DAPK1: variants seen among roughly 807,000 people sequenced by gnomAD.
DAPK1 encodes the protein death associated protein kinase 1.
DAPK1 carries 56 observed loss-of-function variants against 144.9 expected under a neutral mutation model. The ratio of observed to expected loss-of-function variants is 0.39; its 90% CI spans 0.31 to 0.48. DAPK1 has a LOEUF of 0.48. Ranked by LOEUF, DAPK1 falls within the 20% of genes least tolerant of loss-of-function variation. DAPK1 has a pLI of 0.95. For synonymous variants in DAPK1, 690 were observed against 749.0 expected (o/e 0.92, Z 1.29); for missense variants, 1,454 against 1,875.4 (o/e 0.78, Z 4.15).
intron 2 of DAPK1, chr9:87,525,348 A>G: frequency 3.7e-6 from 6 of 1,611,266 alleles, no homozygotes; most frequent in Admixed American, 1.7e-5. Flanking sequence ...AAATTCGGCC[A>G]GGGTTCTCGC....
At chr9:87,665,080 C>T (rs36216037) in intron 18 of DAPK1, among the ~76,000 whole-genome samples, 1 of 151,942 alleles carries the variant, frequency 6.6e-6, no homozygotes, top group African/African-American at 2.4e-5. Flanking sequence ...TTCTGGACCA[C>T]CCTATTTTAA....
chr9:87,532,236 A>G (rs748370750), intron 2 of DAPK1, among the ~76,000 whole-genome samples: 1 of 152,228 alleles, frequency 6.6e-6, no homozygotes, highest in Non-Finnish European at 1.5e-5. Context: ...TTGTTTTTAC[A>G]TTTTTAAATG....
chr9:87,562,899 C>T (rs1175229650), intron 2 of DAPK1, among the ~76,000 whole-genome samples: 11 of 152,200 alleles, frequency 7.2e-5, no homozygotes, highest in African/African-American at 2.7e-4. Flanking sequence ...GGATTCTTCC[C>T]AGGCATGATG....
At chr9:87,670,383 A>AGTCT (rs1340819672) in intron 19 of DAPK1, among the ~76,000 whole-genome samples, 7 of 152,154 alleles carry the variant, frequency 4.6e-5, no homozygotes, top group African/African-American at 1.4e-4. Flanking sequence ...GGAGAAGAGA[A>AGTCT]GTCTGGTTTT....
intron 2 of DAPK1, among the ~76,000 whole-genome samples, chr9:87,562,559 G>T (rs1255980874): frequency 6.6e-6 from 1 of 152,172 alleles, no homozygotes; most frequent in African/African-American, 2.4e-5. Context: ...TTTGATGACT[G>T]TCACTGCCAC....
At chr9:87,646,375 A>C in intron 12 of DAPK1, 86 bp from the exon 13 acceptor site, 1 of 942,896 alleles carries the variant, frequency 1.1e-6, no homozygotes, top group Non-Finnish European at 1.7e-6. Context: ...AGACAGGGGA[A>C]GGTGTGTGGT....
chr9:87,617,755 C>T (rs540045170), intron 3 of DAPK1, among the ~76,000 whole-genome samples: 2 of 152,188 alleles, frequency 1.3e-5, no homozygotes, highest in East Asian at 1.9e-4. Flanking sequence ...GTGGCCTACT[C>T]GACATTTCCT....
intron 21 of DAPK1, among the ~76,000 whole-genome samples, chr9:87,689,010 A>G (rs1824962380): frequency 6.6e-6 from 1 of 152,096 alleles, no homozygotes; most frequent in South Asian, 2.1e-4. Context: ...TTCTTCCCCA[A>G]GGTCAGTATC....
intron 25 of DAPK1, 143 bp downstream of exon 25, chr9:87,703,360 T>A: frequency 1.7e-6 from 1 of 602,372 alleles, no homozygotes; most frequent in Admixed American, 2.8e-5. Context: ...TCCACACGTG[T>A]GACAAACACA....
chr9:87,511,324 A>C (rs1387423918), intron 2 of DAPK1, among the ~76,000 whole-genome samples: 1 of 152,204 alleles, frequency 6.6e-6, no homozygotes, highest in African/African-American at 2.4e-5. Flanking sequence ...CCTAAGAAAC[A>C]TATTGACTAG....
Position 87,706,561 on chromosome 9 carries a change from G to A in DAPK1, c.3490G>A (p.Asp1164Asn), listed in dbSNP as rs937952689. The part of the protein sequence containing the change: ...RWIHQQSTEG[D>N]ADIRLWVNGC... ...GATCCACCAGCAAAGCACAGAGGGC[G>A]ACGCGGACATCCGCCTGTGGGTGAA... Residue 1164 changes from aspartate to asparagine, a missense_variant, in exon 26 of 26, where the codon GAC becomes AAC. By Grantham distance (23) the Asp-to-Asn change is conservative (BLOSUM62 1). This residue lies in a region of DAPK1 where 1,025 missense variants were observed against 1,237.9 expected (regional missense o/e 0.83). Coordinates refer to ENST00000408954, the MANE Select transcript of DAPK1 (RefSeq NM_004938.4). This position sits in a 1 kb window ranked among gnomAD's most constrained non-coding sequence, Gnocchi z 9.0. 22 of 1,613,694 alleles carry A rather than the reference G, an allele frequency of 1.4e-5. No homozygotes were observed. Among genetic ancestry groups the A allele is most frequent in the East Asian group, 2.2e-5 (1 of 44,876 alleles).
intron 11 of DAPK1, 102 bp from the exon 12 acceptor site, chr9:87,645,793 T>C (rs1433762286): frequency 6.9e-7 from 1 of 1,451,764 alleles, no homozygotes; most frequent in East Asian, 2.3e-5. Flanking sequence ...TACTTTCCTC[T>C]GAATGCCCCT....
Position 87,700,327 on chromosome 9 carries a change from A to T in DAPK1, c.2871+90A>T. Reference sequence around the variant, plus strand: ...AGGGAACTGCTTCATAGTAGGACCCAGTAAGAGGTGTCTGCCTGGACATGT... The same window carrying T: ...AGGGAACTGCTTCATAGTAGGACCCTGTAAGAGGTGTCTGCCTGGACATGT... On this transcript the variant is annotated intron_variant, in intron 24 of 25. Coordinates refer to ENST00000408954, the MANE Select transcript of DAPK1 (RefSeq NM_004938.4). 5 of 949,870 alleles carry T rather than the reference A, an allele frequency of 5.3e-6. No individual in the cohort carries two copies. The South Asian group carries it at 6.9e-5, about 13-fold the overall frequency. The allele number at this position is 949,870 out of a possible 1,614,324, so 58.8% of individuals were successfully genotyped here.
rs376368602 is a variant in DAPK1 at position 87,706,758 on chromosome 9, G to T, written c.3687G>T (p.Gly1229=). ...IENVMATTLP[G]LLTVKHYLSP... The stretch of plus-strand genomic sequence containing the variant: ...ACGTCATGGCCACCACGCTGCCAGG[G>T]CTCCTGACCGTGAAGCATTACCTGA... The change falls in exon 26 of 26, where the codon GGG becomes GGT. Residue 1229 remains glycine, a synonymous_variant. Transcript: ENST00000408954. The surrounding 1 kb of genome is among the most constrained non-coding windows in gnomAD (Gnocchi z 9.0). 65 of 1,613,336 alleles carry T rather than the reference G, an allele frequency of 4.0e-5. 1 individual carries two copies. The highest frequency in any genetic ancestry group is 1.6e-4 in the Middle Eastern group (1 of 6,084).
chr9:87,607,050 T>G (rs4878106), intron 3 of DAPK1, among the ~76,000 whole-genome samples: 2 of 151,296 alleles, frequency 1.3e-5, no homozygotes, highest in African/African-American at 4.9e-5. Context: ...CTGCTTCCCC[T>G]GTACCCTCCC....
At chr9:87,656,736 T>TA (rs1265999853) in intron 17 of DAPK1, among the ~76,000 whole-genome samples, 2 of 152,198 alleles carry the variant, frequency 1.3e-5, no homozygotes, top group Admixed American at 1.3e-4. Flanking sequence ...TCCCTCCCGT[T>TA]ACAGGCATGG....
chr9:87,502,637 C>A (rs750660613), intron 2 of DAPK1, among the ~76,000 whole-genome samples: 2 of 152,266 alleles, frequency 1.3e-5, no homozygotes, highest in East Asian at 1.9e-4. Flanking sequence ...ACCATCTGAC[C>A]TTATATGATC....
In DAPK1 at chr9:87,681,567, G is replaced by A; in HGVS notation, c.2165G>A (p.Arg722Lys). 6.2e-7 allele frequency: 1 copy of A among 1,613,052 alleles called. No homozygotes were observed. Among genetic ancestry groups the A allele is most frequent in the Non-Finnish European group, 8.5e-7 (1 of 1,179,022 alleles). ...LRSFFRRRRP[R>K]LSSTNSSRFP... ...AGCTTTTTCAGAAGGCGTCGGCCCAGACTGTCTTCCACCAACTCCAGCAGG... is the reference window on the plus strand; with the variant it reads ...AGCTTTTTCAGAAGGCGTCGGCCCAAACTGTCTTCCACCAACTCCAGCAGG... Residue 722 changes from arginine (R) to lysine (K), a missense_variant, in exon 20 of 26, where the codon AGA (arginine) becomes AAA (lysine). By Grantham distance (26) the Arg-to-Lys change is conservative (BLOSUM62 2). Transcript: ENST00000408954.
At chr9:87,636,014 C>G (rs1350315542) in intron 3 of DAPK1, among the ~76,000 whole-genome samples, 1 of 152,170 alleles carries the variant, frequency 6.6e-6, no homozygotes, top group Non-Finnish European at 1.5e-5. Context: ...TTTTCTCTCC[C>G]CGTTGTTTGT....
Sources: gnomAD v4.1 joint callset for allele counts (sites outside exome capture counted in the v4.1 genomes callset) on GRCh38, gnomAD v4.1.1 for gene constraint, gnomAD v4.1.1 regional missense constraint, Gnocchi (gnomAD v3.1) non-coding constraint, MANE v1.5 for transcripts, NCBI Gene and HGNC (gene_info 2026-07-23, HGNC 2026-07-21) for gene names.